Variants in ATRNL1 observed in about 807,000 individuals in gnomAD.
ATRNL1 encodes attractin-like protein 1.
Under a neutral mutation model 182.7 loss-of-function variants are expected in ATRNL1, and 95 were observed. The ratio of observed to expected loss-of-function variants is 0.52; its 90% CI spans 0.44 to 0.62. The LOEUF (loss-of-function observed/expected upper bound fraction) is 0.62. Ranked by LOEUF, ATRNL1 falls within the 20% of genes least tolerant of loss-of-function variation. The probability of loss-of-function intolerance (pLI) is 0.00; values close to 1 mark genes in which losing one functional copy is unlikely to be tolerated. For missense variants in ATRNL1, 1,471 were observed against 1,679.5 expected (o/e 0.88, Z 2.17); for synonymous variants, 576 against 568.3 (o/e 1.01, Z -0.19).
intron 26 of ATRNL1, among the ~76,000 whole-genome samples, chr10:115,684,312 G>A (rs10885769): frequency 0.34 from 52,011 of 150,888 alleles, 10,306 homozygotes; most frequent in East Asian, 0.52. Flanking sequence ...TTGAGGGTAT[G>A]TTACAACTTG....
intron 19 of ATRNL1, among the ~76,000 whole-genome samples, chr10:115,363,168 C>T (rs1856838680): frequency 2.0e-5 from 3 of 149,108 alleles, no homozygotes; most frequent in South Asian, 2.1e-4. Context: ...TTCTCCACAT[C>T]CTCTCCAGCA....
rs180860262 is a variant in ATRNL1, at chr10:115,598,553, G to T, written c.3795+49017G>T. Among the ~76,000 whole-genome samples the T allele has an allele frequency of 4.6e-5, 7 of 150,738 alleles. 1 individual carries two copies. Among genetic ancestry groups the T allele is most frequent in the South Asian group, 2.1e-4 (1 of 4,772 alleles). The stretch of plus-strand genomic sequence containing the variant: ...TAATTTTTGCATTTTTAGTAGAGAC[G>T]GGGTTTCACCATGTTGGGCAGGATG... On this transcript the variant is annotated intron_variant, in intron 26 of 28. Transcript: ENST00000355044.
At chr10:115,334,515 A>G (rs1240381186) in intron 19 of ATRNL1, 96 bp downstream of exon 19, 2 of 897,498 alleles carry the variant, frequency 2.2e-6, no homozygotes, top group Admixed American at 3.2e-5. Flanking sequence ...CTACTACAGA[A>G]AATTTTTTAC....
chr10:115,924,168 A>C (rs1220804574), intron 28 of ATRNL1, among the ~76,000 whole-genome samples: 2 of 152,144 alleles, frequency 1.3e-5, no homozygotes, highest in Non-Finnish European at 2.9e-5. Context: ...AGATGGGTAG[A>C]TTGCAAAACA....
Position 115,855,005 on chromosome 10 carries a change from G to A in ATRNL1, c.4018+7014G>A, listed in dbSNP as rs553581611. Reference sequence around the variant, plus strand: ...CCAGACGTTTACTCTGGAATGAAAGGTCCTCTCTGACTTCTCCTCAACTTC... The same window carrying A: ...CCAGACGTTTACTCTGGAATGAAAGATCCTCTCTGACTTCTCCTCAACTTC... On this transcript the variant is annotated intron_variant, in intron 28 of 28. Transcript: ENST00000355044. Among the ~76,000 whole-genome samples, 82 of 152,192 alleles carry A rather than the reference G, an allele frequency of 5.4e-4. No individual in the cohort carries two copies. In the South Asian group the frequency reaches 0.016, roughly 30 times the overall value.
chr10:115,792,654 T>C (rs1411728717), intron 27 of ATRNL1, among the ~76,000 whole-genome samples: 1 of 152,050 alleles, frequency 6.6e-6, no homozygotes, highest in Non-Finnish European at 1.5e-5. Flanking sequence ...GTCTAGAAGC[T>C]CTTTTGATAA....
intron 26 of ATRNL1, among the ~76,000 whole-genome samples, chr10:115,612,777 A>G (rs1306361409): frequency 2.6e-5 from 4 of 152,204 alleles, no homozygotes; most frequent in African/African-American, 7.2e-5. Context: ...GCATGTGCGC[A>G]TGAGGGCCCT....
At chr10:115,399,301 T>G (rs565351060) in intron 20 of ATRNL1, among the ~76,000 whole-genome samples, 1 of 152,156 alleles carries the variant, frequency 6.6e-6, no homozygotes, top group South Asian at 2.1e-4. Flanking sequence ...GAACTCATCA[T>G]GTCCTGGGTT....
chr10:115,195,089 T>C (rs77745840), intron 8 of ATRNL1, among the ~76,000 whole-genome samples: 3,794 of 152,180 alleles, frequency 0.025, 159 homozygotes, highest in African/African-American at 0.086. Context: ...TTTTTAGTTT[T>C]GATTGGTTTG....
At chr10:115,280,869 G>A (rs1852329912) in intron 13 of ATRNL1, among the ~76,000 whole-genome samples, 1 of 152,202 alleles carries the variant, frequency 6.6e-6, no homozygotes, top group Non-Finnish European at 1.5e-5. Flanking sequence ...ATTATTACGG[G>A]CGTAGGCCTT....
intron 10 of ATRNL1, among the ~76,000 whole-genome samples, chr10:115,250,069 G>A (rs1189018806): frequency 1.3e-5 from 2 of 152,106 alleles, no homozygotes; most frequent in African/African-American, 4.8e-5. Flanking sequence ...TCCCCATATG[G>A]CCATAGGGAG....
At chr10:115,734,165 G>A (rs1455174285) in intron 27 of ATRNL1, among the ~76,000 whole-genome samples, 1 of 148,986 alleles carries the variant, frequency 6.7e-6, no homozygotes, top group Non-Finnish European at 1.5e-5. Flanking sequence ...TTTCATTTTT[G>A]TATATAACTC....
chr10:115,922,595 T>C (rs1308692742), intron 28 of ATRNL1, among the ~76,000 whole-genome samples: 1 of 152,118 alleles, frequency 6.6e-6, no homozygotes, highest in Non-Finnish European at 1.5e-5. Context: ...ACTCCCAAAG[T>C]GTTGGGATTA....
chr10:115,459,617 G>A (rs1461512904), intron 21 of ATRNL1, among the ~76,000 whole-genome samples: 3 of 152,104 alleles, frequency 2.0e-5, no homozygotes, highest in African/African-American at 7.2e-5. Flanking sequence ...AATGACAGTG[G>A]TGCCCAAAAC....
rs568791808 is a variant in ATRNL1, at chr10:115,151,317, A to G, written c.830-8723A>G. Among the ~76,000 whole-genome samples the G allele has an allele frequency of 5.1e-3, 779 of 152,290 alleles. 8 individuals carry two copies. The highest frequency in any genetic ancestry group is 0.017 in the African/African-American group (715 of 41,558). On this transcript the variant is annotated intron_variant, in intron 5 of 28. Coordinates refer to ENST00000355044, the MANE Select transcript of ATRNL1 (RefSeq NM_207303.4). ...GCCACACTGTCTTCCACAATGGTTG[A>G]ACTAGTTTACAGTCCCACCAACAGT... is the stretch of plus-strand genomic sequence containing the variant.
chr10:115,199,054 T>C (rs1848459590), intron 8 of ATRNL1, among the ~76,000 whole-genome samples: 1 of 151,998 alleles, frequency 6.6e-6, no homozygotes. Flanking sequence ...TCATTGAGAG[T>C]GTGGTAGGGA....
intron 26 of ATRNL1, among the ~76,000 whole-genome samples, chr10:115,570,414 C>A (rs1169228151): frequency 6.6e-6 from 1 of 152,194 alleles, no homozygotes; most frequent in Non-Finnish European, 1.5e-5. Context: ...AACTTTCTGA[C>A]CATAGCAAAC....
intron 24 of ATRNL1, among the ~76,000 whole-genome samples, chr10:115,506,051 G>A (rs2133653323): frequency 6.6e-6 from 1 of 151,532 alleles, no homozygotes; most frequent in Non-Finnish European, 1.5e-5. Context: ...TAAAAAGGTG[G>A]CCTTGTTATG....
chr10:115,216,009 T>C, intron 9 of ATRNL1, 129 bp downstream of exon 9: 1 of 645,624 alleles, frequency 1.5e-6, no homozygotes, highest in Non-Finnish European at 2.4e-6. Flanking sequence ...TCGTCTTAAT[T>C]TCAGATGAGT....
Sources: allele counts gnomAD v4.1 joint callset (sites outside exome capture counted in the v4.1 genomes callset), GRCh38; gene constraint gnomAD v4.1.1; transcripts MANE v1.5; gene names NCBI Gene and HGNC (gene_info 2026-07-23, HGNC 2026-07-21).